Variants in STK3 observed in about 807,000 individuals in gnomAD.
STK3 encodes the protein serine/threonine-protein kinase 3.
A neutral mutation model predicts 58.0 loss-of-function variants in STK3; 41 were observed. The observed-to-expected ratio is 0.71, with a 90% CI of 0.55 to 0.92. The LOEUF (loss-of-function observed/expected upper bound fraction) is 0.92, where lower values mean the gene tolerates loss of function less well. STK3 is among the 40% of genes least tolerant of loss of function. STK3 has a pLI of 0.00. For missense variants in STK3, 479 were observed against 602.7 expected (o/e 0.79, Z 2.15); for synonymous variants, 170 against 191.0 (o/e 0.89, Z 0.91).
chr8:98,401,123 C>G (rs565954563), downstream of STK3, among the ~76,000 whole-genome samples: 5 of 152,238 alleles, frequency 3.3e-5, no homozygotes, highest in East Asian at 9.7e-4. Flanking sequence ...CCATGGACAG[C>G]CACGTAAGAA....
chr8:98,413,498 A>G, intron 3 of STK3: 1 of 626,876 alleles, frequency 1.6e-6, no homozygotes, highest in African/African-American at 1.8e-5. Flanking sequence ...GCCGAAGTCC[A>G]TTTGTGACAC....
chr8:98,940,832 A>G (rs1840391992), intron 1 of STK3, among the ~76,000 whole-genome samples: 2 of 152,086 alleles, frequency 1.3e-5, no homozygotes, highest in Non-Finnish European at 2.9e-5. Context: ...CGTCTCAGAA[A>G]CCCACCAGGA....
chr8:98,805,579 A>AAATAAT (rs546519221), intron 1 of STK3, among the ~76,000 whole-genome samples: 183 of 151,378 alleles, frequency 1.2e-3, no homozygotes, highest in African/African-American at 3.9e-3. Flanking sequence ...CATCTCCAAA[A>AAATAAT]AATAATAATA....
At chr8:98,822,456 C>T (rs887312861) in intron 1 of STK3, among the ~76,000 whole-genome samples, 1 of 152,002 alleles carries the variant, frequency 6.6e-6, no homozygotes, top group African/African-American at 2.4e-5. Context: ...GATTACAAGG[C>T]GTGCACCATC....
intron 6 of STK3, among the ~76,000 whole-genome samples, chr8:98,662,085 A>C (rs2130792023): frequency 6.6e-6 from 1 of 152,272 alleles, no homozygotes; most frequent in Middle Eastern, 3.4e-3. Context: ...CCATGGAGTA[A>C]GTGTTTAATC....
At chr8:98,393,791 A>C (rs1817870939) in intron 3 of STK3, 1 of 152,134 alleles carries the variant, frequency 6.6e-6, no homozygotes. Context: ...GAATCCAGTC[A>C]AGGTCAGCAA....
At chr8:98,902,787 C>T (rs1012229835) in intron 1 of STK3, among the ~76,000 whole-genome samples, 2 of 152,252 alleles carry the variant, frequency 1.3e-5, no homozygotes, top group African/African-American at 4.8e-5. Flanking sequence ...AGGCACTTTG[C>T]AGAGATTATC....
intron 1 of STK3, among the ~76,000 whole-genome samples, chr8:98,811,234 C>A (rs369925954): frequency 6.6e-6 from 1 of 152,262 alleles, no homozygotes; most frequent in African/African-American, 2.4e-5. Context: ...ACAGAGATTT[C>A]TTTTTCATAA....
chr8:98,344,545 A>T, the STK3 span, among the ~76,000 whole-genome samples: 1,073 of 152,244 alleles, frequency 7.0e-3, 11 homozygotes, highest in African/African-American at 0.024. Flanking sequence ...GGGTTGGGCA[A>T]ACTCAGATGG....
intron 1 of STK3, among the ~76,000 whole-genome samples, chr8:98,795,839 T>C (rs1833134490): frequency 6.8e-6 from 1 of 147,620 alleles, no homozygotes; most frequent in East Asian, 1.9e-4. Context: ...TACAATACAA[T>C]ACAATACAAT....
At chr8:98,788,445 A>G (rs1238121611) in intron 1 of STK3, among the ~76,000 whole-genome samples, 1 of 150,440 alleles carries the variant, frequency 6.6e-6, no homozygotes. Context: ...CTCAGAAAAA[A>G]CAAACAAACA....
chr8:98,427,795 A>G, intron 3 of STK3: 1 of 580,086 alleles, frequency 1.7e-6, no homozygotes, highest in Non-Finnish European at 3.1e-6. Flanking sequence ...GGAGGGGATC[A>G]GACCCCTCAA....
intron 3 of STK3, among the ~76,000 whole-genome samples, chr8:98,424,714 C>G (rs1685429363): frequency 6.6e-6 from 1 of 152,174 alleles, no homozygotes; most frequent in Admixed American, 6.5e-5. Flanking sequence ...GGGAGGAAAG[C>G]CCTGGAGGAA....
intron 6 of STK3, among the ~76,000 whole-genome samples, chr8:98,677,575 A>T (rs1823319907): frequency 6.6e-6 from 1 of 151,962 alleles, no homozygotes; most frequent in Non-Finnish European, 1.5e-5. Context: ...AAGGAGAAGG[A>T]GACGGAGATG....
intron 1 of STK3, among the ~76,000 whole-genome samples, chr8:98,448,970 T>C (rs745722643): frequency 2.6e-5 from 4 of 152,188 alleles, no homozygotes; most frequent in Non-Finnish European, 5.9e-5. Context: ...AAATTCTTTC[T>C]GATGTGTTGG....
At chr8:98,803,610 A>G (rs1015845888) in intron 1 of STK3, among the ~76,000 whole-genome samples, 2 of 117,858 alleles carry the variant, frequency 1.7e-5, no homozygotes, top group Non-Finnish European at 3.6e-5. Flanking sequence ...AAAAAAAAAG[A>G]AAAAAAAAGA....
At chr8:98,453,402 C>T (rs1819294612), downstream of STK3, among the ~76,000 whole-genome samples, 1 of 152,092 alleles carries the variant, frequency 6.6e-6, no homozygotes, top group Non-Finnish European at 1.5e-5. Flanking sequence ...TCTTTCATGG[C>T]TTGTGATTCT....
intron 2 of STK3, among the ~76,000 whole-genome samples, chr8:98,771,721 C>T (rs1018006136): frequency 3.9e-5 from 6 of 152,064 alleles, no homozygotes; most frequent in Admixed American, 2.6e-4. Context: ...CATGCCACCA[C>T]GCCCGGCTAA....
chr8:98,920,528 C>T (rs533175246), intron 1 of STK3, among the ~76,000 whole-genome samples: 7 of 152,192 alleles, frequency 4.6e-5, no homozygotes, highest in Admixed American at 3.9e-4. Context: ...TACTCATGGC[C>T]GGGAAGTTGG....
Sources: gnomAD v4.1 joint callset for allele counts (sites outside exome capture counted in the v4.1 genomes callset) on GRCh38, gnomAD v4.1.1 for gene constraint, MANE v1.5 for transcripts, NCBI Gene and HGNC (gene_info 2026-07-23, HGNC 2026-07-21) for gene names.